ELOVL6: variants seen among roughly 807,000 people sequenced by gnomAD.
ELOVL6 encodes the protein ELOVL fatty acid elongase 6.
In ELOVL6, 8 loss-of-function variants were observed where a neutral mutation model predicts 31.7. The ratio of observed to expected loss-of-function variants is 0.25; its 90% CI spans 0.15 to 0.45. The LOEUF is 0.45. Ranked by LOEUF, ELOVL6 falls within the 20% of genes least tolerant of loss-of-function variation. ELOVL6 has a pLI of 1.00. For missense variants in ELOVL6, 126 were observed against 326.4 expected (o/e 0.39, Z 4.73); for synonymous variants, 101 against 117.7 (o/e 0.86, Z 0.92).
At chr4:110,180,130 TATATGCCAC>T (rs1378009720) in intron 1 of ELOVL6, among the ~76,000 whole-genome samples, 1 of 152,216 alleles carries the variant, frequency 6.6e-6, no homozygotes, top group Non-Finnish European at 1.5e-5. Flanking sequence ...TTTCTTTTAG[TATATGCCAC>T]ATAGTTTTCT....
intron 2 of ELOVL6, among the ~76,000 whole-genome samples, chr4:110,078,645 G>A (rs967441805): frequency 6.6e-6 from 1 of 152,186 alleles, no homozygotes; most frequent in African/African-American, 2.4e-5. Context: ...ATGCCAAATT[G>A]TAAAGACCAT....
At chr4:110,095,417 G>A (rs1756552599) in intron 2 of ELOVL6, among the ~76,000 whole-genome samples, 1 of 151,854 alleles carries the variant, frequency 6.6e-6, no homozygotes, top group Admixed American at 6.6e-5. Context: ...AGGAGAAAGA[G>A]GTTGCAGTGA....
chr4:110,092,468 A>G (rs1008902919), intron 2 of ELOVL6, among the ~76,000 whole-genome samples: 4 of 152,138 alleles, frequency 2.6e-5, no homozygotes, highest in Non-Finnish European at 4.4e-5. Flanking sequence ...TTTAATGAAC[A>G]CTAATACCAC....
intron 1 of ELOVL6, among the ~76,000 whole-genome samples, chr4:110,108,239 T>G (rs376299653): frequency 2.0e-5 from 3 of 152,204 alleles, no homozygotes; most frequent in Non-Finnish European, 4.4e-5. Flanking sequence ...CCATTATTTA[T>G]CTTACCCATT....
At position 110,104,047 on chromosome 4, in the gene ELOVL6, A is replaced by G. The variant is rs536390305; in HGVS notation, c.221+1450T>C. ...AAGATTAAACGAAGTAAAATCAGCC[A>G]AGTGTTGACAATTGTTTAACCAAGG... On this transcript the variant is annotated intron_variant, in intron 2 of 3. Transcript: ENST00000302274. Among the ~76,000 whole-genome samples, 31 of 152,322 alleles carry G rather than the reference A, an allele frequency of 2.0e-4. 1 individual carries two copies. In the South Asian group the frequency reaches 3.5e-3, roughly 17 times the overall value.
chr4:110,084,313 CATATAT>C (rs200586903), intron 2 of ELOVL6, among the ~76,000 whole-genome samples: 3 of 52,156 alleles, frequency 5.8e-5, no homozygotes, highest in African/African-American at 1.0e-4. Flanking sequence ...TAACATATAA[CATATAT>C]AAATTTGATA....
chr4:110,187,158 G>C (rs1759473988), intron 1 of ELOVL6, among the ~76,000 whole-genome samples: 1 of 151,516 alleles, frequency 6.6e-6, no homozygotes, highest in African/African-American at 2.4e-5. Context: ...TCTATTAGAG[G>C]CATATGAGTA....
At chr4:110,095,236 C>T (rs1756546998) in intron 2 of ELOVL6, among the ~76,000 whole-genome samples, 1 of 152,146 alleles carries the variant, frequency 6.6e-6, no homozygotes, top group Non-Finnish European at 1.5e-5. Context: ...AATCCCAGCA[C>T]TTTGGGAGAT....
At chr4:110,084,553 C>CATAT (rs1560815725) in intron 2 of ELOVL6, among the ~76,000 whole-genome samples, 6 of 57,936 alleles carry the variant, frequency 1.0e-4, no homozygotes, top group African/African-American at 6.2e-4. Flanking sequence ...CACACACACA[C>CATAT]ACACACACAG....
At chr4:110,110,429 C>T (rs1192088700) in intron 1 of ELOVL6, among the ~76,000 whole-genome samples, 5 of 128,006 alleles carry the variant, frequency 3.9e-5, no homozygotes, top group Non-Finnish European at 6.4e-5. Context: ...TTTTTTTGAG[C>T]CAAGGTCTCA....
chr4:110,083,793 C>A (rs1293255334), intron 2 of ELOVL6, among the ~76,000 whole-genome samples: 1 of 149,936 alleles, frequency 6.7e-6, no homozygotes, highest in African/African-American at 2.5e-5. Flanking sequence ...TATGTGGTAA[C>A]AATGGGCATA....
chr4:110,174,409 G>A (rs547405328), intron 1 of ELOVL6, among the ~76,000 whole-genome samples: 1 of 152,188 alleles, frequency 6.6e-6, no homozygotes, highest in African/African-American at 2.4e-5. Context: ...CAAGTGATCT[G>A]CCTGCCTTGG....
chr4:110,110,946 C>T (rs1757016746), intron 1 of ELOVL6, among the ~76,000 whole-genome samples: 1 of 152,130 alleles, frequency 6.6e-6, no homozygotes, highest in South Asian at 2.1e-4. Flanking sequence ...TTGCTTCCCC[C>T]TCCAGATACT....
intron 1 of ELOVL6, among the ~76,000 whole-genome samples, chr4:110,128,583 TCCCA>T (rs1228739400): frequency 6.6e-6 from 1 of 152,134 alleles, no homozygotes; most frequent in African/African-American, 2.4e-5. Flanking sequence ...ATCTGTACCC[TCCCA>T]ACTGGAGCAT....
At chr4:110,059,857 A>G in intron 2 of ELOVL6, 103 bp from the exon 3 acceptor site, 1 of 907,960 alleles carries the variant, frequency 1.1e-6, no homozygotes, top group Non-Finnish European at 1.7e-6. Flanking sequence ...GGAAATAGGC[A>G]TAAGAATCAT....
intron 2 of ELOVL6, among the ~76,000 whole-genome samples, chr4:110,061,133 T>C (rs765926120): frequency 3.2e-4 from 49 of 152,210 alleles, no homozygotes; most frequent in Admixed American, 5.9e-4. Context: ...TTTACAGATA[T>C]AGATCCTGTT....
At position 110,089,724 on chromosome 4, in the gene ELOVL6, C is replaced by A. The variant is rs1417140799; in HGVS notation, c.221+15773G>T. On this transcript the variant is annotated intron_variant, in intron 2 of 3. Coordinates refer to ENST00000302274, the MANE Select transcript of ELOVL6 (RefSeq NM_024090.3). Reference sequence around the variant, plus strand: ...GAGAGCTTATGGGTAGATGGGCCAACTTTTCTTCTTGTCAAAGCAGCTCAT... The same window carrying A: ...GAGAGCTTATGGGTAGATGGGCCAAATTTTCTTCTTGTCAAAGCAGCTCAT... 4.6e-5 allele frequency among the ~76,000 whole-genome samples: 7 copies of A among 152,146 alleles called. No individual in the cohort carries two copies. In the East Asian group the frequency reaches 1.3e-3, roughly 29 times the overall value.
chr4:110,084,076 C>CTATATATGATATATAACA (rs1040703115), intron 2 of ELOVL6, among the ~76,000 whole-genome samples: 198 of 16,690 alleles, frequency 0.012, 22 homozygotes, highest in South Asian at 0.033. Flanking sequence ...CATATATATG[C>CTATATATGATATATAACA]TATATATGAT....
chr4:110,105,902 T>C (rs1756872888), intron 1 of ELOVL6, among the ~76,000 whole-genome samples: 1 of 152,206 alleles, frequency 6.6e-6, no homozygotes, highest in African/African-American at 2.4e-5. Context: ...TTCAACAACA[T>C]AGCATTGAAG....
Sources: allele counts gnomAD v4.1 joint callset (sites outside exome capture counted in the v4.1 genomes callset), GRCh38; gene constraint gnomAD v4.1.1; transcripts MANE v1.5; gene names NCBI Gene and HGNC (gene_info 2026-07-23, HGNC 2026-07-21).